The following SORCS2 variants were observed in gnomAD, a reference collection of about 807,000 sequenced individuals.
SORCS2 encodes sortilin related VPS10 domain containing receptor 2.
A neutral mutation model predicts 141.6 loss-of-function variants in SORCS2; 100 were observed. The ratio of observed to expected loss-of-function variants is 0.71; its 90% CI spans 0.60 to 0.83. The LOEUF (loss-of-function observed/expected upper bound fraction) is 0.83. Ranked by LOEUF, SORCS2 falls within the 40% of genes least tolerant of loss-of-function variation. The pLI, the probability that SORCS2 is intolerant of heterozygous loss-of-function variation, is 0.00. For missense variants in SORCS2, 1,646 were observed against 1,560.2 expected, an observed-to-expected ratio of 1.05 and a Z score of -0.93; for synonymous variants, 789 against 676.9, an observed-to-expected ratio of 1.17 and a Z score of -2.57.
At position 7,347,575 on chromosome 4, in the gene SORCS2, G is replaced by A. The variant is rs144353555; in HGVS notation, c.481-48713G>A. Among the ~76,000 whole-genome samples, 239 of 152,290 alleles carry A rather than the reference G, an allele frequency of 1.6e-3. 1 individual carries two copies. Among genetic ancestry groups the A allele is most frequent in the African/African-American group, 5.3e-3 (219 of 41,556 alleles). ...TTGTTCAAGATCACACAGCACTTAC[G>A]TGGTAGAGCTGAAAAACTCACCTGA... On this transcript the variant is annotated intron_variant, in intron 1 of 26. Transcript: ENST00000507866.
intron 1 of SORCS2, among the ~76,000 whole-genome samples, chr4:7,267,899 G>C (rs996975295): frequency 6.6e-6 from 1 of 152,242 alleles, no homozygotes; most frequent in African/African-American, 2.4e-5. Flanking sequence ...TGAGTGATGA[G>C]ACGAGCAGCT....
chr4:7,314,954 C>G (rs903225178), intron 1 of SORCS2, among the ~76,000 whole-genome samples: 12 of 152,070 alleles, frequency 7.9e-5, no homozygotes, highest in Admixed American at 7.9e-4. Context: ...GCCTCAGCCT[C>G]CCAAGTAGCT....
At chr4:7,658,635 G>A (rs1274193874) in intron 5 of SORCS2, among the ~76,000 whole-genome samples, 1 of 152,224 alleles carries the variant, frequency 6.6e-6, no homozygotes, top group African/African-American at 2.4e-5. Flanking sequence ...ATAGACTACA[G>A]GGGAGTCCCA....
chr4:7,533,859 A>C (rs896986995), intron 3 of SORCS2, among the ~76,000 whole-genome samples: 4 of 152,186 alleles, frequency 2.6e-5, no homozygotes, highest in African/African-American at 4.8e-5. Context: ...GAGATGATAC[A>C]TAGAATGCAC....
chr4:7,427,178 T>C (rs1726502261), intron 2 of SORCS2, among the ~76,000 whole-genome samples: 1 of 151,918 alleles, frequency 6.6e-6, no homozygotes, highest in South Asian at 2.1e-4. Context: ...GCATATCCAT[T>C]GTGGGCACAT....
At chr4:7,581,708 C>T (rs936781402) in intron 3 of SORCS2, among the ~76,000 whole-genome samples, 6 of 152,144 alleles carry the variant, frequency 3.9e-5, no homozygotes, top group South Asian at 4.1e-4. Flanking sequence ...TCTCAGGTTG[C>T]TTAGGGTCCC....
chr4:7,547,920 A>G (rs144659241), intron 3 of SORCS2, among the ~76,000 whole-genome samples: 1 of 152,310 alleles, frequency 6.6e-6, no homozygotes, highest in East Asian at 1.9e-4. Context: ...CATTAATGAA[A>G]CCCAATCTCA....
intron 3 of SORCS2, among the ~76,000 whole-genome samples, chr4:7,562,791 C>A (rs545154894): frequency 7.9e-5 from 12 of 152,164 alleles, no homozygotes; most frequent in Non-Finnish European, 8.8e-5. Context: ...TCCTTGGCTT[C>A]TTCTTGGCCA....
chr4:7,559,781 T>C (rs947781950), intron 3 of SORCS2, among the ~76,000 whole-genome samples: 1 of 152,222 alleles, frequency 6.6e-6, no homozygotes, highest in Non-Finnish European at 1.5e-5. Flanking sequence ...TTGTACAAGA[T>C]GAACAAACGG....
chr4:7,318,259 G>A (rs1718686447), intron 1 of SORCS2, among the ~76,000 whole-genome samples: 1 of 152,196 alleles, frequency 6.6e-6, no homozygotes. Context: ...CTAAGAGGTG[G>A]CAGAGCTAGG....
chr4:7,381,743 C>A (rs4367173), intron 1 of SORCS2, among the ~76,000 whole-genome samples: 1 of 152,086 alleles, frequency 6.6e-6, no homozygotes, highest in African/African-American at 2.4e-5. Context: ...GACTCCCGCC[C>A]CCACCCAGCC....
chr4:7,568,481 G>A (rs4466044), intron 3 of SORCS2, among the ~76,000 whole-genome samples: 148,329 of 152,324 alleles, frequency 0.97, 72,355 homozygotes, highest in East Asian at 1. Context: ...ACTCTCTCCA[G>A]ACCTTGGAAC....
chr4:7,419,217 G>A (rs1725885827), intron 2 of SORCS2, among the ~76,000 whole-genome samples: 1 of 152,202 alleles, frequency 6.6e-6, no homozygotes, highest in African/African-American at 2.4e-5. Context: ...GAGAAGGTAT[G>A]AGGCTAGTTC....
intron 12 of SORCS2, among the ~76,000 whole-genome samples, chr4:7,700,640 A>G (rs1366014764): frequency 6.6e-6 from 1 of 152,202 alleles, no homozygotes; most frequent in African/African-American, 2.4e-5. Context: ...GTGCTTCTCC[A>G]AGCACTTTCC....
chr4:7,287,692 C>G (rs549277298), intron 1 of SORCS2, among the ~76,000 whole-genome samples: 15 of 152,334 alleles, frequency 9.8e-5, no homozygotes, highest in African/African-American at 3.4e-4. Context: ...CATTGACTGT[C>G]TTTAATTTGA....
chr4:7,597,468 C>A (rs931361695), intron 3 of SORCS2, among the ~76,000 whole-genome samples: 1 of 117,288 alleles, frequency 8.5e-6, no homozygotes, highest in African/African-American at 3.5e-5. Context: ...AGAGGACTAT[C>A]GCAATAGGAG....
At chr4:7,262,051 T>A (rs1459873296) in intron 1 of SORCS2, among the ~76,000 whole-genome samples, 1 of 152,170 alleles carries the variant, frequency 6.6e-6, no homozygotes, top group Non-Finnish European at 1.5e-5. Context: ...TGGAAGTGTG[T>A]GTGATGAAAT....
rs1726050488 is a variant in SORCS2, at chr4:7,714,402, C to A, written c.2123+29C>A. 1.9e-6 allele frequency: 3 copies of A among 1,543,588 alleles called. No homozygotes were observed. In the South Asian group the frequency reaches 3.6e-5, roughly 18 times the overall value. ...AGCGACGGGCTCCTGGCCACGAGGCCTCAGGCGCTGCTTGAGCATCCTCAC... is the reference window on the plus strand; with the variant it reads ...AGCGACGGGCTCCTGGCCACGAGGCATCAGGCGCTGCTTGAGCATCCTCAC... On this transcript the variant is annotated intron_variant, in intron 16 of 26. Coordinates refer to ENST00000507866, the MANE Select transcript of SORCS2 (RefSeq NM_020777.3).
chr4:7,597,448 G>A (rs1488868494), intron 3 of SORCS2, among the ~76,000 whole-genome samples: 9 of 138,642 alleles, frequency 6.5e-5, no homozygotes, highest in Non-Finnish European at 1.2e-4. Flanking sequence ...GGAGGTTACT[G>A]CAATAGGGAA....
Sources: gnomAD v4.1 joint callset for allele counts (sites outside exome capture counted in the v4.1 genomes callset) on GRCh38, gnomAD v4.1.1 for gene constraint, MANE v1.5 for transcripts, NCBI Gene and HGNC (gene_info 2026-07-23, HGNC 2026-07-21) for gene names.